Variants in WDR44 observed in about 807,000 individuals in gnomAD.
WDR44 encodes WD repeat-containing protein 44.
WDR44 carries 9 observed loss-of-function variants against 65.7 expected under a neutral mutation model. The ratio of observed to expected loss-of-function variants is 0.14; its 90% CI spans 0.08 to 0.24. The LOEUF (loss-of-function observed/expected upper bound fraction) is 0.24, where lower values mean the gene tolerates loss of function less well. Ranked by LOEUF, WDR44 falls within the 10% of genes least tolerant of loss-of-function variation. The pLI is 1.00. For synonymous variants in WDR44, 220 were observed against 235.2 expected, an observed-to-expected ratio of 0.94 and a Z score of 0.59; for missense variants, 425 against 670.9, an observed-to-expected ratio of 0.63 and a Z score of 4.05.
chrX:118,369,719 C>T (rs1348047060), intron 1 of WDR44, among the ~76,000 whole-genome samples: 3 of 110,692 alleles, frequency 2.7e-5, no homozygotes, highest in Non-Finnish European at 5.7e-5. Flanking sequence ...CTGCCCGCCT[C>T]GGCCACCAAA....
Position 118,448,873 on chromosome X carries a change from C to T in WDR44, c.2648-20C>T. 2 of 1,088,622 alleles carry T rather than the reference C, an allele frequency of 1.8e-6. No individual in the cohort carries two copies. The highest frequency in any genetic ancestry group is 2.5e-6 in the Non-Finnish European group (2 of 808,390). 89.7% of individuals were successfully genotyped at this position (1,088,622 alleles called of 1,213,427 possible). On this transcript the variant is annotated intron_variant, in intron 19 of 19. Transcript: ENST00000254029. ...TATTCCTTTAAAAATCAACTTAAAA[C>T]TATTTTTTATACTTTTAAGGTATTA...
intron 10 of WDR44, among the ~76,000 whole-genome samples, 159 bp from the exon 11 acceptor site, chrX:118,409,330 A>G (rs964432965): frequency 2.7e-5 from 3 of 110,093 alleles, no homozygotes; most frequent in Admixed American, 9.8e-5. Context: ...GGGTTTTACC[A>G]TGTTGGCCAG....
intron 12 of WDR44, among the ~76,000 whole-genome samples, chrX:118,423,328 C>G (rs1026728996): frequency 9.0e-6 from 1 of 110,730 alleles, no homozygotes; most frequent in Non-Finnish European, 1.9e-5. Context: ...ACCACCACTC[C>G]CAGCTAATTT....
At chrX:118,387,502 T>C (rs2056781991) in intron 3 of WDR44, 88 bp downstream of exon 3, 2 of 610,161 alleles carry the variant, frequency 3.3e-6, no homozygotes, top group East Asian at 7.9e-5. Flanking sequence ...TCTTTTAGTA[T>C]AGCGCTCTGT....
chrX:118,447,865 C>G, intron 19 of WDR44, among the ~76,000 whole-genome samples: 1 of 84,474 alleles, frequency 1.2e-5, no homozygotes, highest in South Asian at 6.0e-4. Flanking sequence ...CAGAGTGAGA[C>G]TCTATCTAAA....
chrX:118,446,995 G>A (rs1273238485), intron 19 of WDR44: 7 of 290,016 alleles, frequency 2.4e-5, no homozygotes, highest in African/African-American at 5.7e-5. Flanking sequence ...TCAGCATCCC[G>A]AGTAGCTAGG....
chrX:118,375,572 T>C (rs1255669597), intron 1 of WDR44, among the ~76,000 whole-genome samples: 1 of 110,724 alleles, frequency 9.0e-6, no homozygotes, highest in Non-Finnish European at 1.9e-5. Context: ...TATTTGTTGT[T>C]GTTTTGATTG....
At chrX:118,419,595 CCTAGT>C (rs2057087332) in intron 12 of WDR44, among the ~76,000 whole-genome samples, 1 of 111,527 alleles carries the variant, frequency 9.0e-6, no homozygotes, top group South Asian at 3.8e-4. Flanking sequence ...TCTTGGGATT[CCTAGT>C]TCTTTCTTGC....
At chrX:118,354,857 A>G (rs2056445476) in intron 1 of WDR44, among the ~76,000 whole-genome samples, 1 of 112,126 alleles carries the variant, frequency 8.9e-6, no homozygotes, top group South Asian at 3.7e-4. Flanking sequence ...CAAACTTTCT[A>G]GAGAACCTAT....
chrX:118,355,332 G>A (rs2056449952), intron 1 of WDR44, among the ~76,000 whole-genome samples: 1 of 111,477 alleles, frequency 9.0e-6, no homozygotes, highest in Non-Finnish European at 1.9e-5. Context: ...ATAAAGGGTG[G>A]GAACTTTTGG....
Position 118,432,782 on chromosome X carries a change from T to A in WDR44, c.1739T>A (p.Val580Glu), listed in dbSNP as rs771318894. Residue 580 changes from valine (V) to glutamate (E), a missense_variant and splice_region_variant, in exon 13 of 20, where the codon GTA becomes GAA. Val to Glu is a moderately radical substitution (Grantham distance 121). This residue lies in a region of WDR44 where 45 missense variants were observed against 50.0 expected (regional missense o/e 0.90). Transcript: ENST00000254029. ...SSSKSDTDTGVCSGTDEDPDD... is the reference protein window; with the variant it reads ...SSSKSDTDTGECSGTDEDPDD... ...AAGTTTATCTTTATATCCAAATAGG[T>A]ATGCAGTGGAACTGATGAAGACCCT... 23 of 1,202,412 alleles carry A rather than the reference T, an allele frequency of 1.9e-5. No individual in the cohort carries two copies. The highest frequency in any genetic ancestry group is 2.6e-5 in the Non-Finnish European group (23 of 888,770).
chrX:118,445,044 C>T (rs764742932), intron 19 of WDR44: 1 of 321,054 alleles, frequency 3.1e-6, no homozygotes, highest in African/African-American at 2.7e-5. Context: ...ACCTGTAATC[C>T]CAGCACTTTG....
At chrX:118,378,322 C>T in intron 1 of WDR44, 97 bp from the exon 2 acceptor site, 1 of 703,239 alleles carries the variant, frequency 1.4e-6, no homozygotes. Flanking sequence ...AATATATACA[C>T]ATTTTTTAAA....
At chrX:118,362,216 C>T (rs903689294) in intron 1 of WDR44, among the ~76,000 whole-genome samples, 15 of 112,188 alleles carry the variant, frequency 1.3e-4, no homozygotes, top group Non-Finnish European at 9.4e-5. Flanking sequence ...AATAATATAA[C>T]GAATATTTCT....
In WDR44 at chrX:118,430,215, G is replaced by A. The variant is rs181175936; in HGVS notation, c.1738-2566G>A. On this transcript the variant is annotated intron_variant, in intron 12 of 19. Coordinates refer to ENST00000254029, the MANE Select transcript of WDR44 (RefSeq NM_019045.5). Reference sequence around the variant, plus strand: ...TTCTGTTTTTTTTTTTTTGTTCTCCGAATTGTCTACACTGATCATGTATTA... The same window carrying A: ...TTCTGTTTTTTTTTTTTTGTTCTCCAAATTGTCTACACTGATCATGTATTA... 7.5e-4 allele frequency among the ~76,000 whole-genome samples: 79 copies of A among 104,679 alleles called. 1 individual carries two copies. In the East Asian group the frequency reaches 0.015, roughly 20 times the overall value. 90.9% of individuals were successfully genotyped at this position (104,679 alleles called of 115,157 possible).
Position 118,410,816 on chromosome X carries a change from A to G in WDR44, c.1673-79A>G, listed in dbSNP as rs1436984512. 5.1e-6 allele frequency: 4 copies of G among 790,923 alleles called. No individual in the cohort carries two copies. In the African/African-American group the frequency reaches 6.4e-5, roughly 13 times the overall value. 65.2% of individuals were successfully genotyped at this position (790,923 alleles called of 1,213,427 possible). On this transcript the variant is annotated intron_variant, in intron 11 of 19. Transcript: ENST00000254029. Reference sequence around the variant, plus strand: ...TCTAACTATTAGACATTGCTGTGTCATTACTTCTGGATGTTATATTTTGGT... The same window carrying G: ...TCTAACTATTAGACATTGCTGTGTCGTTACTTCTGGATGTTATATTTTGGT...
At chrX:118,346,703 T>C in intron 1 of WDR44, 123 bp downstream of exon 1, 1 of 555,141 alleles carries the variant, frequency 1.8e-6, no homozygotes, top group Non-Finnish European at 2.8e-6. Flanking sequence ...CCCGTCTCAC[T>C]GGAGGACTTC....
chrX:118,431,925 CTAA>C (rs2057215248), intron 12 of WDR44, among the ~76,000 whole-genome samples: 1 of 108,298 alleles, frequency 9.2e-6, no homozygotes, highest in African/African-American at 3.4e-5. Flanking sequence ...TTTGTTTTTA[CTAA>C]TTTCTTCATC....
At chrX:118,363,103 C>G (rs746798226) in intron 1 of WDR44, among the ~76,000 whole-genome samples, 1 of 107,777 alleles carries the variant, frequency 9.3e-6, no homozygotes, top group Admixed American at 1.0e-4. Context: ...CATCAATGCT[C>G]AAAGCTCAAA....
Sources: gnomAD v4.1 joint callset for allele counts (sites outside exome capture counted in the v4.1 genomes callset) on GRCh38, gnomAD v4.1.1 for gene constraint, gnomAD v4.1.1 regional missense constraint, MANE v1.5 for transcripts, NCBI Gene and HGNC (gene_info 2026-07-23, HGNC 2026-07-21) for gene names.